Variants in ANKS1B observed in about 807,000 individuals in gnomAD.
The protein encoded by ANKS1B is ankyrin repeat and sterile alpha motif domain containing 1B.
ANKS1B carries 36 observed loss-of-function variants against 148.3 expected under a neutral mutation model. The observed-to-expected ratio is 0.24, with a 90% CI of 0.19 to 0.32. ANKS1B has a LOEUF of 0.32. Ranked by LOEUF, ANKS1B falls within the 10% of genes least tolerant of loss-of-function variation. ANKS1B has a pLI of 1.00. For missense variants in ANKS1B, 1,157 were observed against 1,542.6 expected (o/e 0.75, Z 4.19); for synonymous variants, 542 against 560.8 (o/e 0.97, Z 0.47).
At chr12:99,626,313 T>C (rs1439583785) in intron 9 of ANKS1B, among the ~76,000 whole-genome samples, 1 of 152,148 alleles carries the variant, frequency 6.6e-6, no homozygotes, top group East Asian at 1.9e-4. Flanking sequence ...ACCATTGCCA[T>C]GAAAAATGGT....
intron 1 of ANKS1B, among the ~76,000 whole-genome samples, chr12:99,898,103 T>C (rs2093451623): frequency 6.6e-6 from 1 of 152,188 alleles, no homozygotes; most frequent in Non-Finnish European, 1.5e-5. Flanking sequence ...AAATATTTGC[T>C]ATTATTGTTG....
intron 8 of ANKS1B, among the ~76,000 whole-genome samples, chr12:99,757,498 A>G (rs1242150328): frequency 1.3e-5 from 2 of 152,104 alleles, no homozygotes; most frequent in African/African-American, 4.8e-5. Flanking sequence ...TGGGAGTGTA[A>G]ATTAGTTCAA....
intron 10 of ANKS1B, among the ~76,000 whole-genome samples, chr12:99,458,091 T>G (rs970075457): frequency 2.6e-5 from 4 of 152,032 alleles, no homozygotes; most frequent in Non-Finnish European, 5.9e-5. Context: ...CAGAGCACAG[T>G]GGAATAAAAT....
chr12:99,528,693 T>A (rs2096956168), intron 9 of ANKS1B, among the ~76,000 whole-genome samples: 2 of 152,304 alleles, frequency 1.3e-5, no homozygotes, highest in East Asian at 3.9e-4. Context: ...TCAATCAATG[T>A]AGCCATTATT....
At chr12:99,128,161 G>A (rs978652138) in intron 15 of ANKS1B, among the ~76,000 whole-genome samples, 1 of 152,064 alleles carries the variant, frequency 6.6e-6, no homozygotes, top group African/African-American at 2.4e-5. Flanking sequence ...AGCCCTCAGC[G>A]TGGCTAATGG....
chr12:99,839,271 T>C (rs962434695), intron 1 of ANKS1B, among the ~76,000 whole-genome samples: 2 of 152,166 alleles, frequency 1.3e-5, no homozygotes, highest in African/African-American at 4.8e-5. Context: ...TTGGCTGTAA[T>C]TGCATTAAAC....
intron 17 of ANKS1B, among the ~76,000 whole-genome samples, chr12:98,891,238 A>T (rs2099751978): frequency 6.6e-6 from 1 of 152,254 alleles, no homozygotes. Context: ...TCCTATTTCC[A>T]TATGAGAAAA....
chr12:98,992,630 G>A (rs925321512), intron 17 of ANKS1B, among the ~76,000 whole-genome samples: 15 of 152,108 alleles, frequency 9.9e-5, no homozygotes, highest in Middle Eastern at 3.2e-3. Context: ...TCAATTAAAC[G>A]TCTTTCCTTT....
chr12:99,719,902 T>G (rs1435234127), intron 8 of ANKS1B, among the ~76,000 whole-genome samples: 2 of 152,142 alleles, frequency 1.3e-5, no homozygotes, highest in Non-Finnish European at 2.9e-5. Flanking sequence ...CCCCTCACTT[T>G]CAGTTTTTCT....
intron 10 of ANKS1B, among the ~76,000 whole-genome samples, chr12:99,453,342 G>A (rs1206844814): frequency 3.9e-5 from 6 of 151,980 alleles, no homozygotes; most frequent in Admixed American, 1.3e-4. Flanking sequence ...GTACTTCTGG[G>A]AATAGGTTAT....
rs912226394 is a variant in ANKS1B at position 98,771,178 on chromosome 12, C to CT, written c.3579+1863dup. ...CATAAGGATGTCATTACAAGACCAACTTTTTTTTTGAGTGACGGTTTCACT... is the reference window on the plus strand; with the variant it reads ...CATAAGGATGTCATTACAAGACCAACTTTTTTTTTTGAGTGACGGTTTCACT... On this transcript the variant is annotated intron_variant, in intron 25 of 26. Transcript: ENST00000683438. 1.4e-3 allele frequency among the ~76,000 whole-genome samples: 208 copies of CT among 151,206 alleles called. 2 individuals carry two copies. The highest frequency in any genetic ancestry group is 4.7e-3 in the African/African-American group (196 of 41,272).
At chr12:99,137,061 T>A (rs1364775491) in intron 15 of ANKS1B, among the ~76,000 whole-genome samples, 1 of 152,164 alleles carries the variant, frequency 6.6e-6, no homozygotes, top group African/African-American at 2.4e-5. Context: ...GAGAAGACCC[T>A]ATTTAGTGCT....
At chr12:98,848,743 G>GTGTTTTTTTTTTTTTTT in intron 17 of ANKS1B, among the ~76,000 whole-genome samples, 1 of 48,090 alleles carries the variant, frequency 2.1e-5, no homozygotes, top group Non-Finnish European at 3.5e-5. Context: ...TGTATGTGTG[G>GTGTTTTTTTTTTTTTTT]TTTTTTTTTT....
chr12:99,890,512 C>T lies in ANKS1B; in HGVS notation c.135-65123G>A, dbSNP rs569289855. 2.0e-5 allele frequency among the ~76,000 whole-genome samples: 3 copies of T among 151,976 alleles called. No individual in the cohort carries two copies. In the East Asian group the frequency reaches 5.8e-4, roughly 29 times the overall value. ...GCCTTACAGATTGTGAACTTGCCAGCTCCCATAATCACATGAGCGTATTCC... is the reference window on the plus strand; with the variant it reads ...GCCTTACAGATTGTGAACTTGCCAGTTCCCATAATCACATGAGCGTATTCC... On this transcript the variant is annotated intron_variant, in intron 1 of 26. Transcript: ENST00000683438.
At chr12:98,846,121 C>T (rs2099466216) in intron 17 of ANKS1B, among the ~76,000 whole-genome samples, 1 of 152,072 alleles carries the variant, frequency 6.6e-6, no homozygotes, top group Non-Finnish European at 1.5e-5. Context: ...TGCATTGCAT[C>T]TGAGTCATGC....
At chr12:98,893,623 A>G (rs1331000510) in intron 17 of ANKS1B, 2 of 152,160 alleles carry the variant, frequency 1.3e-5, no homozygotes, top group South Asian at 2.1e-4. Context: ...AAGTATCCTT[A>G]TAAGTGTCTA....
chr12:99,411,122 G>A (rs975240183), intron 11 of ANKS1B, among the ~76,000 whole-genome samples: 18 of 152,174 alleles, frequency 1.2e-4, no homozygotes, highest in African/African-American at 4.3e-4. Context: ...TGGGAAAACA[G>A]TTAAGTCAAG....
chr12:99,422,486 A>C lies in ANKS1B; in HGVS notation c.1575+21187T>G, dbSNP rs528964480. The stretch of plus-strand genomic sequence containing the variant: ...TAAAGAGAAGCTTCTTTAAGGAAGT[A>C]ATCTTTCAGCTGCCACCTGAAGGAG... On this transcript the variant is annotated intron_variant, in intron 11 of 26. Transcript: ENST00000683438. Among the ~76,000 whole-genome samples, 7 of 152,320 alleles carry C rather than the reference A, an allele frequency of 4.6e-5. No homozygotes were observed. In the South Asian group the frequency reaches 1.5e-3, roughly 32 times the overall value.
intron 4 of ANKS1B, among the ~76,000 whole-genome samples, chr12:99,803,967 A>G (rs2067281137): frequency 6.6e-6 from 1 of 152,200 alleles, no homozygotes; most frequent in Non-Finnish European, 1.5e-5. Context: ...GGGCAGAGAT[A>G]GTTTTGGTTT....
Sources: gnomAD v4.1 joint callset for allele counts (sites outside exome capture counted in the v4.1 genomes callset) on GRCh38, gnomAD v4.1.1 for gene constraint, MANE v1.5 for transcripts, NCBI Gene and HGNC (gene_info 2026-07-23, HGNC 2026-07-21) for gene names.